The following NDUFA9 variants were observed in gnomAD, a reference collection of about 807,000 sequenced individuals.
The protein encoded by NDUFA9 is NADH dehydrogenase [ubiquinone] 1 alpha subcomplex subunit 9, mitochondrial.
A neutral mutation model predicts 45.9 loss-of-function variants in NDUFA9; 23 were observed. The ratio of observed to expected loss-of-function variants is 0.50; its 90% CI spans 0.36 to 0.71. The LOEUF (loss-of-function observed/expected upper bound fraction) is 0.71, where lower values mean the gene tolerates loss of function less well. Ranked by LOEUF, NDUFA9 falls within the 30% of genes least tolerant of loss-of-function variation. NDUFA9 has a pLI of 0.00. For missense variants in NDUFA9, 466 were observed against 488.2 expected, an observed-to-expected ratio of 0.95 and a Z score of 0.43; for synonymous variants, 176 against 170.5, an observed-to-expected ratio of 1.03 and a Z score of -0.25.
chr12:4,652,627 G>GC (rs1297486477), intron 1 of NDUFA9, among the ~76,000 whole-genome samples: 5 of 152,124 alleles, frequency 3.3e-5, no homozygotes, highest in Non-Finnish European at 5.9e-5. Flanking sequence ...TTCCTTCTGA[G>GC]TTTTTCTCCT....
Position 4,687,297 on chromosome 12 carries a change from G to T in NDUFA9, c.*189G>T. ...ATGTAGTCACTTAGAACTTGAGCAT[G>T]ATTTTTGTTAAACATATTTAATAAT... On this transcript the variant is annotated 3_prime_UTR_variant, in exon 11 of 11. Coordinates refer to ENST00000266544, the MANE Select transcript of NDUFA9 (RefSeq NM_005002.5). The T allele has an allele frequency of 1.9e-6, 1 of 523,306 alleles. No individual in the cohort carries two copies. Among genetic ancestry groups the T allele is most frequent in the South Asian group, 3.6e-5 (1 of 27,690 alleles). 32.4% of individuals were successfully genotyped at this position (523,306 alleles called of 1,614,324 possible).
In NDUFA9 at chr12:4,654,792, T is replaced by C. The variant is rs773181338; in HGVS notation, c.221-33T>C. 13 of 1,487,662 alleles carry C rather than the reference T, an allele frequency of 8.7e-6. No individual in the cohort carries two copies. In the African/African-American group the frequency reaches 9.8e-5, roughly 11 times the overall value. 92.2% of individuals were successfully genotyped at this position (1,487,662 alleles called of 1,614,324 possible). ...GTATAATATATCCACATTATGTTAA[T>C]GTTGATCCTTTTTTCAATCCATTCT... On this transcript the variant is annotated intron_variant, in intron 2 of 10. Coordinates refer to ENST00000266544, the MANE Select transcript of NDUFA9 (RefSeq NM_005002.5).
chr12:4,662,695 T>G, intron 6 of NDUFA9, 60 bp downstream of exon 6: 2 of 1,347,878 alleles, frequency 1.5e-6, no homozygotes, highest in Non-Finnish European at 2.1e-6. Context: ...TTGAAGCTGC[T>G]CAAGCTAACA....
intron 8 of NDUFA9, among the ~76,000 whole-genome samples, chr12:4,679,382 A>C (rs556634668): frequency 7.2e-5 from 11 of 152,332 alleles, no homozygotes; most frequent in African/African-American, 2.4e-4. Flanking sequence ...AAAATGGATG[A>C]ATTTTAATGT....
intron 4 of NDUFA9, among the ~76,000 whole-genome samples, chr12:4,658,532 C>T (rs998141869): frequency 4.0e-5 from 6 of 151,754 alleles, no homozygotes; most frequent in Non-Finnish European, 7.4e-5. Context: ...TTTTCCCTTG[C>T]GGGAAACAAA....
At chr12:4,664,048 T>C (rs1030188084) in intron 6 of NDUFA9, among the ~76,000 whole-genome samples, 2 of 152,120 alleles carry the variant, frequency 1.3e-5, no homozygotes, top group Non-Finnish European at 2.9e-5. Context: ...GTACAAAGTA[T>C]TGAAGAAATG....
At chr12:4,651,912 G>A (rs1228517896) in intron 1 of NDUFA9, among the ~76,000 whole-genome samples, 3 of 152,106 alleles carry the variant, frequency 2.0e-5, no homozygotes, top group Non-Finnish European at 4.4e-5. Context: ...AGACTAACTG[G>A]CCTTATTTTA....
Position 4,688,799 on chromosome 12 carries a change from A to G in NDUFA9, c.*1691A>G, listed in dbSNP as rs1182829638. On this transcript the variant is annotated 3_prime_UTR_variant, in exon 11 of 11. Transcript: ENST00000266544. ...TACTAGGGAAAGGAACACAAACCCA[A>G]CTTCACGTTTTTTCTTCAGATGCTG... 2.0e-5 allele frequency: 3 copies of G among 152,206 alleles called. No individual in the cohort carries two copies. Among genetic ancestry groups the G allele is most frequent in the African/African-American group, 4.8e-5 (2 of 41,450 alleles). The allele number at this position is 152,206 out of a possible 1,614,324, so 9.4% of individuals were successfully genotyped here. A position where few individuals can be genotyped will look rare whatever the true frequency, so the allele number is the denominator to read the frequency against.
At chr12:4,683,215 T>C (rs1011308571) in intron 9 of NDUFA9, among the ~76,000 whole-genome samples, 3 of 151,576 alleles carry the variant, frequency 2.0e-5, no homozygotes, top group African/African-American at 7.3e-5. Flanking sequence ...AAAAACCTAC[T>C]GCCCTGAGGT....
At position 4,688,432 on chromosome 12, in the gene NDUFA9, C is replaced by CTAT. The variant is rs959088120; in HGVS notation, c.*1325_*1327dup. The CTAT allele has an allele frequency of 1.4e-5, 2 of 144,576 alleles. No individual in the cohort carries two copies. Among genetic ancestry groups the CTAT allele is most frequent in the African/African-American group, 5.2e-5 (2 of 38,616 alleles). The allele number at this position is 144,576 out of a possible 1,614,324, so 9.0% of individuals were successfully genotyped here. On this transcript the variant is annotated 3_prime_UTR_variant, in exon 11 of 11. Transcript: ENST00000266544. ...CCTGGGAGTTCAAGGTTACAGTGAG[C>CTAT]TATGATAGTGCCACTGCACTTCAGC...
At chr12:4,672,589 C>T (rs1945894033) in intron 8 of NDUFA9, among the ~76,000 whole-genome samples, 1 of 152,134 alleles carries the variant, frequency 6.6e-6, no homozygotes, top group African/African-American at 2.4e-5. Flanking sequence ...GGTGGTTTTC[C>T]CCTCACAGTA....
intron 3 of NDUFA9, chr12:4,655,617 G>A (rs1945785186): frequency 6.6e-6 from 1 of 152,002 alleles, no homozygotes; most frequent in East Asian, 1.9e-4. Context: ...ATTGAATAGT[G>A]CTCTATAAAC....
At chr12:4,667,512 CTTTTT>C (rs11335422) in intron 6 of NDUFA9, 198 of 157,358 alleles carry the variant, frequency 1.3e-3, no homozygotes, top group Middle Eastern at 2.6e-3. Context: ...AATTTCTACT[CTTTTT>C]TTTTTTTTTT....
At chr12:4,650,072 C>T (rs1418454487) in intron 1 of NDUFA9, among the ~76,000 whole-genome samples, 1 of 152,180 alleles carries the variant, frequency 6.6e-6, no homozygotes, top group Non-Finnish European at 1.5e-5. Context: ...AAAATTGGCT[C>T]ATGTCAGAAT....
In NDUFA9 at chr12:4,691,768, A is replaced by G. The variant is rs1946019712; in HGVS notation, c.*4660A>G. The G allele has an allele frequency of 6.7e-6, 1 of 149,410 alleles. No homozygotes were observed. The highest frequency in any genetic ancestry group is 2.5e-5 in the African/African-American group (1 of 40,666). 9.3% of individuals were successfully genotyped at this position (149,410 alleles called of 1,614,324 possible). A position where few individuals can be genotyped will look rare whatever the true frequency, so the allele number is the denominator to read the frequency against. On this transcript the variant is annotated 3_prime_UTR_variant, in exon 11 of 11. Coordinates refer to ENST00000266544, the MANE Select transcript of NDUFA9 (RefSeq NM_005002.5). ...TTTTGAGGGCTGTGTGAGAGTGTAG[A>G]AGTACTGAGAACAAGAAGCCATGTG... is the stretch of plus-strand genomic sequence containing the variant.
In NDUFA9 at chr12:4,691,813, T is replaced by TGG. The variant is rs11351896; in HGVS notation, c.*4715_*4716dup. The TGG allele has an allele frequency of 4.3e-4, 59 of 137,410 alleles. No homozygotes were observed. Among genetic ancestry groups the TGG allele is most frequent in the African/African-American group, 1.6e-3 (57 of 36,348 alleles). The allele number at this position is 137,410 out of a possible 1,614,324, so 8.5% of individuals were successfully genotyped here. ...CATGTGGATCCTGTGAGGGCCAGGA[T>TGG]GGGGGGGGGGGTCATGGGTCATCTG... On this transcript the variant is annotated 3_prime_UTR_variant, in exon 11 of 11. Transcript: ENST00000266544.
intron 1 of NDUFA9, 25 bp downstream of exon 1, chr12:4,649,200 C>G: frequency 6.3e-7 from 1 of 1,595,122 alleles, no homozygotes; most frequent in Non-Finnish European, 8.5e-7. Context: ...GAACGGCGGC[C>G]CCTGGTCGGG....
rs1031092036 is a variant in NDUFA9, at chr12:4,687,236, C to A, written c.*128C>A. 20 of 836,776 alleles carry A rather than the reference C, an allele frequency of 2.4e-5. No individual in the cohort carries two copies. The highest frequency in any genetic ancestry group is 3.6e-4 in the Middle Eastern group (1 of 2,776). The allele number at this position is 836,776 out of a possible 1,614,324, so 51.8% of individuals were successfully genotyped here. ...CTATTAAAACATTTCAGGTTGAATT[C>A]TGCAGTATTTTCTTCCTTGATTTAC... On this transcript the variant is annotated 3_prime_UTR_variant, in exon 11 of 11. Transcript: ENST00000266544.
At chr12:4,677,498 A>G (rs1243583045) in intron 8 of NDUFA9, among the ~76,000 whole-genome samples, 1 of 152,250 alleles carries the variant, frequency 6.6e-6, no homozygotes, top group Non-Finnish European at 1.5e-5. Context: ...ATGAGCAGAC[A>G]CTTCTCAAAA....
Sources: gnomAD v4.1 joint callset for allele counts (sites outside exome capture counted in the v4.1 genomes callset) on GRCh38, gnomAD v4.1.1 for gene constraint, MANE v1.5 for transcripts, NCBI Gene and HGNC (gene_info 2026-07-23, HGNC 2026-07-21) for gene names.